Variants in PRRG2 observed in about 807,000 individuals in gnomAD.
PRRG2 encodes proline rich and Gla domain 2, also known as transmembrane gamma-carboxyglutamic acid protein 2.
PRRG2 carries 23 observed loss-of-function variants against 27.1 expected under a neutral mutation model. The observed-to-expected ratio is 0.85, with a 90% CI of 0.61 to 1.20. The LOEUF (loss-of-function observed/expected upper bound fraction) is 1.20, where lower values mean the gene tolerates loss of function less well. Ranked by LOEUF, PRRG2 falls within the 50% of genes most tolerant of loss-of-function variation. The pLI is 0.00. For missense variants in PRRG2, 276 were observed against 254.8 expected, an observed-to-expected ratio of 1.08 and a Z score of -0.57; for synonymous variants, 104 against 103.4, an observed-to-expected ratio of 1.01 and a Z score of -0.03.
At chr19:49,581,060 A>G (rs1450126807), upstream of PRRG2, among the ~76,000 whole-genome samples, 1 of 152,180 alleles carries the variant, frequency 6.6e-6, no homozygotes. Context: ...ACTAAGGCAT[A>G]TCGTTCCCGC....
chr19:49,582,101 C>T (rs912819639), intron 1 of PRRG2, among the ~76,000 whole-genome samples: 1 of 151,060 alleles, frequency 6.6e-6, no homozygotes, highest in African/African-American at 2.4e-5. Flanking sequence ...ATTAGCCAGG[C>T]GTGGTGGTGC....
chr19:49,590,186 G>A, intron 6 of PRRG2, 134 bp downstream of exon 6: 1 of 1,404,744 alleles, frequency 7.1e-7, no homozygotes, highest in Non-Finnish European at 9.6e-7. Context: ...CGGGGGCGGG[G>A]CCCCATGCAA....
intron 4 of PRRG2, 59 bp from the exon 5 acceptor site, chr19:49,588,438 G>A: frequency 6.5e-7 from 1 of 1,540,254 alleles, no homozygotes; most frequent in South Asian, 1.2e-5. Context: ...AAGGAATTTT[G>A]ATGTTGGGGT....
At chr19:49,584,012 G>A in intron 4 of PRRG2, 60 bp downstream of exon 4, 1 of 1,514,334 alleles carries the variant, frequency 6.6e-7, no homozygotes, top group South Asian at 1.2e-5. Flanking sequence ...TTCCCAGCGA[G>A]GCCAAACCAA....
rs566235530 is a variant in PRRG2 at position 49,589,817 on chromosome 19, C to T, written c.438-83C>T. ...TCTGTCCCAGTGTCACCCTGAGTCT[C>T]CGTCTCCTAGATCCCCTCTCTTCCT... is the stretch of plus-strand genomic sequence containing the variant. On this transcript the variant is annotated intron_variant, in intron 5 of 6. Coordinates refer to ENST00000246794, the MANE Select transcript of PRRG2 (RefSeq NM_000951.3). 12 of 1,474,338 alleles carry T rather than the reference C, an allele frequency of 8.1e-6. No individual in the cohort carries two copies. In the East Asian group the frequency reaches 2.3e-4, roughly 28 times the overall value. 91.3% of individuals were successfully genotyped at this position (1,474,338 alleles called of 1,614,324 possible). A position where few individuals can be genotyped will look rare whatever the true frequency, so the allele number is the denominator to read the frequency against.
chr19:49,587,634 C>T (rs1019364651), intron 4 of PRRG2, among the ~76,000 whole-genome samples: 6 of 150,852 alleles, frequency 4.0e-5, no homozygotes, highest in Non-Finnish European at 5.9e-5. Context: ...TATAGGCATG[C>T]GCCACCGTGC....
Position 49,583,612 on chromosome 19 carries a change from C to G in PRRG2, c.156C>G (p.His52Gln). The G allele has an allele frequency of 1.9e-6, 3 of 1,614,254 alleles. No homozygotes were observed. The highest frequency in any genetic ancestry group is 2.5e-6 in the Non-Finnish European group (3 of 1,180,048). Residue 52 changes from histidine to glutamine, a missense_variant, in exon 3 of 7, where the codon CAC (histidine) becomes CAG (glutamine). His to Gln is a conservative substitution (Grantham distance 24). Coordinates refer to ENST00000246794, the MANE Select transcript of PRRG2 (RefSeq NM_000951.3). ...ATACCCGGATTCCAAGAGCCAACCA[C>G]TGGGACCTGGAGCTGCTCACACCAG... ...SSHTRIPRAN[H>Q]WDLELLTPGN...
rs960136898 is a variant in PRRG2, at chr19:49,590,982, A to C, written c.*593A>C. The C allele has an allele frequency of 1.3e-5, 2 of 152,652 alleles. No homozygotes were observed. Among genetic ancestry groups the C allele is most frequent in the Non-Finnish European group, 1.5e-5 (1 of 68,532 alleles). The allele number at this position is 152,652 out of a possible 1,614,324, so 9.5% of individuals were successfully genotyped here. The stretch of plus-strand genomic sequence containing the variant: ...CAAAAAAAGCAGAAATAATGCAAAA[A>C]ATAATAATGAAATGAACTGCGATCC... On this transcript the variant is annotated 3_prime_UTR_variant, in exon 7 of 7. Coordinates refer to ENST00000246794, the MANE Select transcript of PRRG2 (RefSeq NM_000951.3).
chr19:49,581,548 C>G (rs1232283301), intron 1 of PRRG2, 67 bp downstream of exon 1: 1 of 152,106 alleles, frequency 6.6e-6, no homozygotes, highest in Non-Finnish European at 1.5e-5. Context: ...CCCGCCCCTC[C>G]GAGACCCAGA....
intron 4 of PRRG2, among the ~76,000 whole-genome samples, chr19:49,585,079 T>C (rs2080659047): frequency 6.6e-6 from 1 of 152,188 alleles, no homozygotes; most frequent in Non-Finnish European, 1.5e-5. Context: ...GGGCTGCTCC[T>C]TAGCAACGGG....
At chr19:49,583,450 T>A in intron 2 of PRRG2, 92 bp from the exon 3 acceptor site, 1 of 1,531,032 alleles carries the variant, frequency 6.5e-7, no homozygotes, top group Non-Finnish European at 8.9e-7. Context: ...CAGCCCCTGC[T>A]CCTTCCTCCA....
chr19:49,590,127 G>T, intron 6 of PRRG2, 75 bp downstream of exon 6: 1 of 1,418,356 alleles, frequency 7.1e-7, no homozygotes, highest in Middle Eastern at 2.6e-4. Flanking sequence ...TGGGCTCAGG[G>T]GCGGGACTTG....
In PRRG2 at chr19:49,590,558, G is replaced by A; in HGVS notation, c.*169G>A. The A allele has an allele frequency of 1.1e-6, 1 of 900,984 alleles. No homozygotes were observed. The highest frequency in any genetic ancestry group is 1.7e-6 in the Non-Finnish European group (1 of 578,390). 55.8% of individuals were successfully genotyped at this position (900,984 alleles called of 1,614,324 possible). ...TGGCACACGCGTTTCCGCCGCGTAT[G>A]GATATACACATGTTTTCGGCAACGT... On this transcript the variant is annotated 3_prime_UTR_variant, in exon 7 of 7. Transcript: ENST00000246794.
intron 5 of PRRG2, 55 bp from the exon 6 acceptor site, chr19:49,589,845 C>G: frequency 6.3e-7 from 1 of 1,583,924 alleles, no homozygotes; most frequent in South Asian, 1.1e-5. Context: ...CTCTTCCTCC[C>G]TAGTCTAGGT....
intron 5 of PRRG2, among the ~76,000 whole-genome samples, chr19:49,589,601 C>T (rs980894174): frequency 2.0e-5 from 3 of 151,964 alleles, no homozygotes; most frequent in South Asian, 4.2e-4. Flanking sequence ...CCCGGCAGGG[C>T]TGTCTTTTTC....
Position 49,588,389 on chromosome 19 carries a change from C to T in PRRG2, c.302-108C>T. 3 of 1,457,084 alleles carry T rather than the reference C, an allele frequency of 2.1e-6. No individual in the cohort carries two copies. The South Asian group carries it at 3.8e-5, about 19-fold the overall frequency. The allele number at this position is 1,457,084 out of a possible 1,614,324, so 90.3% of individuals were successfully genotyped here. ...TCACAGGGCTAGGAAGGGACCCCAG[C>T]TCTGCCTGCTTCCGGGTCCATTCTC... On this transcript the variant is annotated intron_variant, in intron 4 of 6. Coordinates refer to ENST00000246794, the MANE Select transcript of PRRG2 (RefSeq NM_000951.3).
At chr19:49,588,436 T>C in intron 4 of PRRG2, 61 bp from the exon 5 acceptor site, 1 of 1,538,748 alleles carries the variant, frequency 6.5e-7, no homozygotes, top group East Asian at 2.4e-5. Flanking sequence ...GGAAGGAATT[T>C]TGATGTTGGG....
rs2080713086 is a variant in PRRG2 at position 49,590,540 on chromosome 19, C to T, written c.*151C>T. ...CCGGCCCGAGGCCTGCCCTGGCACA[C>T]GCGTTTCCGCCGCGTATGGATATAC... On this transcript the variant is annotated 3_prime_UTR_variant, in exon 7 of 7. Coordinates refer to ENST00000246794, the MANE Select transcript of PRRG2 (RefSeq NM_000951.3). 1.8e-6 allele frequency: 2 copies of T among 1,089,174 alleles called. No homozygotes were observed. Among genetic ancestry groups the T allele is most frequent in the Admixed American group, 2.2e-5 (1 of 44,944 alleles). 67.5% of individuals were successfully genotyped at this position (1,089,174 alleles called of 1,614,324 possible).
chr19:49,590,152 T>C (rs908102053), intron 6 of PRRG2, 100 bp downstream of exon 6: 63 of 1,316,384 alleles, frequency 4.8e-5, no homozygotes, highest in Non-Finnish European at 6.2e-5. Context: ...TTGGGCCTTC[T>C]TACCTGGGGC....
Sources: gnomAD v4.1 joint callset for allele counts (sites outside exome capture counted in the v4.1 genomes callset) on GRCh38, gnomAD v4.1.1 for gene constraint, MANE v1.5 for transcripts, NCBI Gene and HGNC (gene_info 2026-07-23, HGNC 2026-07-21) for gene names.